Variants in VKORC1L1 observed in about 807,000 individuals in gnomAD.
The protein encoded by VKORC1L1 is vitamin K epoxide reductase complex subunit 1-like protein 1.
A neutral mutation model predicts 18.9 loss-of-function variants in VKORC1L1; 2 were observed. The ratio of observed to expected loss-of-function variants is 0.11; its 90% CI spans 0.04 to 0.33. The LOEUF (loss-of-function observed/expected upper bound fraction) is 0.33, where lower values mean the gene tolerates loss of function less well. Ranked by LOEUF, VKORC1L1 falls within the 10% of genes least tolerant of loss-of-function variation. The probability of loss-of-function intolerance (pLI) is 1.00; values close to 1 mark genes in which losing one functional copy is unlikely to be tolerated. For synonymous variants in VKORC1L1, 96 were observed against 100.0 expected, an observed-to-expected ratio of 0.96 and a Z score of 0.24; for missense variants, 123 against 224.1, an observed-to-expected ratio of 0.55 and a Z score of 2.88.
intron 1 of VKORC1L1, among the ~76,000 whole-genome samples, chr7:65,921,470 T>C (rs1789674326): frequency 6.6e-6 from 1 of 152,164 alleles, no homozygotes; most frequent in African/African-American, 2.4e-5. Flanking sequence ...ACTGCAGCCT[T>C]GAACTCCTGG....
At chr7:65,935,873 T>G (rs1397516897) in intron 1 of VKORC1L1, among the ~76,000 whole-genome samples, 1 of 152,196 alleles carries the variant, frequency 6.6e-6, no homozygotes, top group East Asian at 1.9e-4. Flanking sequence ...CATCAATCTC[T>G]TTCTTTCTCC....
In VKORC1L1 at chr7:65,906,863, C is replaced by T. The variant is rs137968199; in HGVS notation, c.194+33298C>T. 2.6e-5 allele frequency among the ~76,000 whole-genome samples: 4 copies of T among 152,190 alleles called. No homozygotes were observed. In the East Asian group the frequency reaches 7.7e-4, roughly 29 times the overall value. On this transcript the variant is annotated intron_variant, in intron 1 of 2. Coordinates refer to ENST00000360768, the MANE Select transcript of VKORC1L1 (RefSeq NM_173517.6). ...ATTTTGGGGCCATAGGAGGCTATAA[C>T]CTGGGATGGGTAAAAAAATTATAAA...
intron 1 of VKORC1L1, among the ~76,000 whole-genome samples, chr7:65,924,141 A>G (rs1268343226): frequency 6.6e-6 from 1 of 152,188 alleles, no homozygotes; most frequent in Non-Finnish European, 1.5e-5. Flanking sequence ...CTTCCCAGTA[A>G]GGAATGTGAG....
chr7:65,957,696 G>C lies in VKORC1L1; in HGVS notation c.*3396G>C, dbSNP rs1790321377. On this transcript the variant is annotated 3_prime_UTR_variant, in exon 3 of 3. Transcript: ENST00000360768. ...AAAAATACAAAAATTAGCTGGGCATGGTGGCGGCACCTGTAATGCCAGCTC... is the reference window on the plus strand; with the variant it reads ...AAAAATACAAAAATTAGCTGGGCATCGTGGCGGCACCTGTAATGCCAGCTC... 1 of 152,136 alleles carries C rather than the reference G, an allele frequency of 6.6e-6. No individual in the cohort carries two copies. The highest frequency in any genetic ancestry group is 6.6e-5 in the Admixed American group (1 of 15,246). 9.4% of individuals were successfully genotyped at this position (152,136 alleles called of 1,614,324 possible). A position where few individuals can be genotyped will look rare whatever the true frequency, so the allele number is the denominator to read the frequency against.
chr7:65,894,074 CT>C (rs1789150560), intron 1 of VKORC1L1, among the ~76,000 whole-genome samples: 1 of 152,134 alleles, frequency 6.6e-6, no homozygotes, highest in East Asian at 1.9e-4. Flanking sequence ...CCTGCCTCAG[CT>C]TCCTGAGTAG....
At chr7:65,951,039 A>G (rs1481032592) in intron 2 of VKORC1L1, among the ~76,000 whole-genome samples, 2 of 152,222 alleles carry the variant, frequency 1.3e-5, no homozygotes, top group East Asian at 3.8e-4. Context: ...TTTACCATTA[A>G]TTTAATGCCA....
upstream of VKORC1L1, among the ~76,000 whole-genome samples, chr7:65,869,631 G>A (rs959586006): frequency 1.5e-5 from 2 of 137,318 alleles, no homozygotes; most frequent in Non-Finnish European, 3.1e-5. Flanking sequence ...GGCAAAACAC[G>A]ATTTCATTCT....
At chr7:65,891,694 A>G (rs1789113477) in intron 1 of VKORC1L1, among the ~76,000 whole-genome samples, 2 of 152,108 alleles carry the variant, frequency 1.3e-5, no homozygotes, top group South Asian at 4.1e-4. Context: ...CATAATAGCC[A>G]TACATATTTA....
At chr7:65,889,617 A>G (rs1389769838) in intron 1 of VKORC1L1, among the ~76,000 whole-genome samples, 3 of 152,240 alleles carry the variant, frequency 2.0e-5, no homozygotes, top group Non-Finnish European at 4.4e-5. Context: ...CATTCCGGTC[A>G]TTAAATAGAC....
intron 1 of VKORC1L1, among the ~76,000 whole-genome samples, chr7:65,896,063 C>CTTT (rs757411300): frequency 7.3e-6 from 1 of 136,216 alleles, no homozygotes; most frequent in Admixed American, 7.4e-5. Flanking sequence ...ACTCGGCCAA[C>CTTT]TTTTTTTTTT....
chr7:65,872,124 T>C (rs1788733151), upstream of VKORC1L1, among the ~76,000 whole-genome samples: 1 of 152,214 alleles, frequency 6.6e-6, no homozygotes, highest in South Asian at 2.1e-4. Flanking sequence ...GAGCCAAATT[T>C]ATGATGCAAT....
At chr7:65,912,155 AT>A (rs1272019814) in intron 1 of VKORC1L1, among the ~76,000 whole-genome samples, 10 of 152,296 alleles carry the variant, frequency 6.6e-5, no homozygotes, top group African/African-American at 2.4e-4. Flanking sequence ...GTAACTTTAT[AT>A]TTCATCGTAT....
chr7:65,927,405 G>C (rs1420452587), intron 1 of VKORC1L1, among the ~76,000 whole-genome samples: 1 of 152,160 alleles, frequency 6.6e-6, no homozygotes, highest in African/African-American at 2.4e-5. Context: ...ATATATAGTG[G>C]ATTCTGGGAT....
Position 65,958,934 on chromosome 7 carries a change from C to T in VKORC1L1, c.*4634C>T, listed in dbSNP as rs376765193. The stretch of plus-strand genomic sequence containing the variant: ...GTAGCATCGGCAAGAAAGATGAATC[C>T]GTTGGAAATACAGCTGAGCCATACT... On this transcript the variant is annotated 3_prime_UTR_variant, in exon 3 of 3. Coordinates refer to ENST00000360768, the MANE Select transcript of VKORC1L1 (RefSeq NM_173517.6). 21 of 152,316 alleles carry T rather than the reference C, an allele frequency of 1.4e-4. No homozygotes were observed. Among genetic ancestry groups the T allele is most frequent in the African/African-American group, 4.6e-4 (19 of 41,570 alleles). 9.4% of individuals were successfully genotyped at this position (152,316 alleles called of 1,614,324 possible).
chr7:65,883,210 C>T (rs1461397377), intron 1 of VKORC1L1, among the ~76,000 whole-genome samples: 5 of 143,946 alleles, frequency 3.5e-5, no homozygotes, highest in South Asian at 2.2e-4. Context: ...GGTGCCATCT[C>T]GGCTCACTGC....
intron 1 of VKORC1L1, among the ~76,000 whole-genome samples, chr7:65,898,200 G>T (rs1789250136): frequency 7.0e-6 from 1 of 142,702 alleles, no homozygotes; most frequent in African/African-American, 2.6e-5. Context: ...GCAATTCTCT[G>T]CCTTAGCCTC....
intron 1 of VKORC1L1, among the ~76,000 whole-genome samples, chr7:65,936,282 GA>G (rs2115684521): frequency 6.6e-6 from 1 of 152,164 alleles, no homozygotes; most frequent in Non-Finnish European, 1.5e-5. Flanking sequence ...TCTCAGGGTT[GA>G]CATCTGTTCA....
intron 1 of VKORC1L1, among the ~76,000 whole-genome samples, chr7:65,900,370 G>T (rs1382280437): frequency 1.3e-5 from 2 of 151,554 alleles, no homozygotes; most frequent in East Asian, 3.9e-4. Flanking sequence ...ACTCCAGCCT[G>T]GGTGACAGAG....
intron 1 of VKORC1L1, among the ~76,000 whole-genome samples, chr7:65,877,736 T>A (rs1180097932): frequency 6.6e-6 from 1 of 152,170 alleles, no homozygotes; most frequent in Non-Finnish European, 1.5e-5. Flanking sequence ...ACAAATGATC[T>A]GGAAAGGTTA....
Sources: gnomAD v4.1 joint callset for allele counts (sites outside exome capture counted in the v4.1 genomes callset) on GRCh38, gnomAD v4.1.1 for gene constraint, MANE v1.5 for transcripts, NCBI Gene and HGNC (gene_info 2026-07-23, HGNC 2026-07-21) for gene names.